SYTL3: variants seen among roughly 807,000 people sequenced by gnomAD.
SYTL3 encodes the protein synaptotagmin-like protein 3.
In SYTL3, 88 loss-of-function variants were observed where a neutral mutation model predicts 82.1. That is an observed-to-expected ratio of 1.07 (90% CI 0.90 to 1.28). SYTL3 has a LOEUF of 1.28. Among genes scored for constraint, SYTL3 ranks in the 50% most tolerant of loss-of-function variants. The pLI is 0.00. For missense variants in SYTL3, 831 were observed against 757.6 expected (o/e 1.10, Z -1.14); for synonymous variants, 311 against 289.4 (o/e 1.07, Z -0.76).
At chr6:158,760,995 A>G (rs1789843103) in intron 15 of SYTL3, among the ~76,000 whole-genome samples, 1 of 152,126 alleles carries the variant, frequency 6.6e-6, no homozygotes, top group Non-Finnish European at 1.5e-5. Context: ...CTCTAAGGAC[A>G]CTGCCCTAGG....
intron 11 of SYTL3, among the ~76,000 whole-genome samples, chr6:158,739,219 CCTT>C (rs1483181993): frequency 1.3e-5 from 2 of 152,128 alleles, no homozygotes; most frequent in Non-Finnish European, 2.9e-5. Context: ...GTCTCTACCA[CCTT>C]CTTTTCATCA....
At chr6:158,717,820 C>G (rs1228112121) in intron 9 of SYTL3, among the ~76,000 whole-genome samples, 2 of 152,156 alleles carry the variant, frequency 1.3e-5, no homozygotes, top group Non-Finnish European at 2.9e-5. Flanking sequence ...CCCTTCACCT[C>G]TCACCCTGAC....
intron 6 of SYTL3, among the ~76,000 whole-genome samples, chr6:158,685,935 A>T (rs1779252196): frequency 6.6e-6 from 1 of 152,232 alleles, no homozygotes; most frequent in Non-Finnish European, 1.5e-5. Flanking sequence ...GTAGTGCTGT[A>T]GGAGGTGAAG....
At chr6:158,761,350 T>A (rs1789917244) in intron 15 of SYTL3, among the ~76,000 whole-genome samples, 1 of 127,176 alleles carries the variant, frequency 7.9e-6, no homozygotes. Context: ...TCACCCAGGC[T>A]GGAGTGCAGT....
rs1785983783 is a variant in SYTL3, at chr6:158,735,183, G to A, written c.855+9546G>A. ...GCTAGCCTAGGGAGAGGTGGGGTGA[G>A]CAAATCCATCTTAGTCCCTTTGCTG... On this transcript the variant is annotated intron_variant, in intron 11 of 17. Coordinates refer to ENST00000611299, the MANE Select transcript of SYTL3 (RefSeq NM_001242394.2). 3.3e-5 allele frequency among the ~76,000 whole-genome samples: 5 copies of A among 152,240 alleles called. No individual in the cohort carries two copies. The South Asian group carries it at 1.0e-3, about 32-fold the overall frequency.
chr6:158,711,863 G>A (rs1033576393), intron 8 of SYTL3, among the ~76,000 whole-genome samples: 1 of 152,162 alleles, frequency 6.6e-6, no homozygotes, highest in Non-Finnish European at 1.5e-5. Context: ...GGTCACTCTT[G>A]TTGCCATCTT....
chr6:158,760,441 C>T (rs906371128), intron 14 of SYTL3, among the ~76,000 whole-genome samples, 199 bp from the exon 15 acceptor site: 4 of 152,130 alleles, frequency 2.6e-5, no homozygotes, highest in African/African-American at 7.2e-5. Context: ...TGTTCCTCCC[C>T]ATGCTGGGGT....
At chr6:158,750,802 T>C (rs532081558) in intron 12 of SYTL3, among the ~76,000 whole-genome samples, 1 of 152,104 alleles carries the variant, frequency 6.6e-6, no homozygotes. Flanking sequence ...GGTTGTTTTG[T>C]TTTTCTTTTT....
chr6:158,649,200 A>G (rs947923970), upstream of SYTL3, among the ~76,000 whole-genome samples: 5 of 152,206 alleles, frequency 3.3e-5, no homozygotes, highest in African/African-American at 1.2e-4. Flanking sequence ...AACACTACAC[A>G]CTACATCAGC....
chr6:158,736,228 G>C (rs1405609391), intron 11 of SYTL3, among the ~76,000 whole-genome samples: 5 of 151,830 alleles, frequency 3.3e-5, no homozygotes, highest in Non-Finnish European at 5.9e-5. Context: ...GCGGGTGCCT[G>C]TAATCCCAGC....
intron 11 of SYTL3, among the ~76,000 whole-genome samples, chr6:158,727,793 C>G (rs920203266): frequency 6.7e-6 from 1 of 148,946 alleles, no homozygotes; most frequent in Non-Finnish European, 1.5e-5. Flanking sequence ...AAGCAATTCT[C>G]CTGCCTCAGC....
Position 158,762,496 on chromosome 6 carries a change from C to T in SYTL3, c.1517+318C>T, listed in dbSNP as rs574585900. On this transcript the variant is annotated intron_variant, in intron 16 of 17. Coordinates refer to ENST00000611299, the MANE Select transcript of SYTL3 (RefSeq NM_001242394.2). Reference sequence around the variant, plus strand: ...ATCTCCTCTTGGACCAACAGTAAAACGCATGACTGTCCACATTTCATTCTC... The same window carrying T: ...ATCTCCTCTTGGACCAACAGTAAAATGCATGACTGTCCACATTTCATTCTC... 3.3e-5 allele frequency among the ~76,000 whole-genome samples: 5 copies of T among 152,238 alleles called. No homozygotes were observed. In the East Asian group the frequency reaches 5.8e-4, roughly 18 times the overall value.
Position 158,702,920 on chromosome 6 carries a change from C to T in SYTL3, c.395-4310C>T, listed in dbSNP as rs192316586. ...CTGTAATCCCAGCACCTTGGGAGGC[C>T]GAGGCGGACGAATCACAAGGTCAGG... On this transcript the variant is annotated intron_variant, in intron 6 of 17. Coordinates refer to ENST00000611299, the MANE Select transcript of SYTL3 (RefSeq NM_001242394.2). Among the ~76,000 whole-genome samples the T allele has an allele frequency of 2.5e-3, 378 of 151,900 alleles. 2 individuals carry two copies. Among genetic ancestry groups the T allele is most frequent in the Non-Finnish European group, 4.1e-3 (280 of 67,942 alleles).
chr6:158,757,071 C>T (rs1176363446), intron 13 of SYTL3, 140 bp from the exon 14 acceptor site: 4 of 794,712 alleles, frequency 5.0e-6, no homozygotes, highest in South Asian at 1.8e-5. Flanking sequence ...GCTGCATCCG[C>T]ATCTTGGACT....
intron 5 of SYTL3, among the ~76,000 whole-genome samples, chr6:158,669,428 A>G (rs1221310458): frequency 6.6e-6 from 1 of 152,228 alleles, no homozygotes; most frequent in East Asian, 1.9e-4. Context: ...CTGTTTCGTT[A>G]GGAACATTTT....
chr6:158,680,876 AAGTT>A (rs67402334), intron 5 of SYTL3, among the ~76,000 whole-genome samples: 41,343 of 151,994 alleles, frequency 0.27, 6,095 homozygotes, highest in South Asian at 0.39. Context: ...GAAGGAGAGA[AAGTT>A]AGTTGATATC....
chr6:158,717,834 G>C (rs1783602428), intron 9 of SYTL3, among the ~76,000 whole-genome samples: 1 of 152,142 alleles, frequency 6.6e-6, no homozygotes, highest in Admixed American at 6.5e-5. Context: ...CCCTGACCAT[G>C]GCCTGGGTGG....
chr6:158,698,092 A>G (rs1177591868), intron 6 of SYTL3, among the ~76,000 whole-genome samples: 1 of 152,158 alleles, frequency 6.6e-6, no homozygotes, highest in Non-Finnish European at 1.5e-5. Context: ...CCTAAGGACT[A>G]AAATATGCTT....
chr6:158,713,025 G>T (rs1782936581), intron 8 of SYTL3, among the ~76,000 whole-genome samples: 1 of 152,136 alleles, frequency 6.6e-6, no homozygotes, highest in Non-Finnish European at 1.5e-5. Flanking sequence ...CTCCCAAAGT[G>T]CTGGGATTAC....
Sources: allele counts gnomAD v4.1 joint callset (sites outside exome capture counted in the v4.1 genomes callset), GRCh38; gene constraint gnomAD v4.1.1; transcripts MANE v1.5; gene names NCBI Gene and HGNC (gene_info 2026-07-23, HGNC 2026-07-21).